Variants in RALY observed in about 807,000 individuals in gnomAD.
RALY encodes the protein RALY heterogeneous nuclear ribonucleoprotein.
In RALY, 15 loss-of-function variants were observed where a neutral mutation model predicts 30.7. The observed-to-expected ratio is 0.49, with a 90% CI of 0.33 to 0.75. RALY has a LOEUF of 0.75. Ranked by LOEUF, RALY falls within the 30% of genes least tolerant of loss-of-function variation. RALY has a pLI of 0.02. For missense variants in RALY, 339 were observed against 414.3 expected (o/e 0.82, Z 1.58); for synonymous variants, 177 against 170.8 (o/e 1.04, Z -0.28).
At chr20:34,006,104 G>A (rs2031146379) in intron 1 of RALY, among the ~76,000 whole-genome samples, 1 of 152,176 alleles carries the variant, frequency 6.6e-6, no homozygotes, top group Admixed American at 6.5e-5. Flanking sequence ...GATGGAGTTG[G>A]CTAGGATTGA....
rs1460499081 is a variant in RALY, at chr20:34,081,275, C to T, written c.*1370C>T. 6.6e-6 allele frequency: 1 copy of T among 152,230 alleles called. No homozygotes were observed. The highest frequency in any genetic ancestry group is 1.5e-5 in the Non-Finnish European group (1 of 68,124). 9.4% of individuals were successfully genotyped at this position (152,230 alleles called of 1,614,324 possible). A position where few individuals can be genotyped will look rare whatever the true frequency, so the allele number is the denominator to read the frequency against. On this transcript the variant is annotated 3_prime_UTR_variant, in exon 10 of 10. Coordinates refer to ENST00000246194, the MANE Select transcript of RALY (RefSeq NM_016732.3). Reference sequence around the variant, plus strand: ...TTGGTATGGAGCTGTGGGAGGGCAGCACCCAGAAATAGGCTTTGTTCCAGG... The same window carrying T: ...TTGGTATGGAGCTGTGGGAGGGCAGTACCCAGAAATAGGCTTTGTTCCAGG...
intron 2 of RALY, among the ~76,000 whole-genome samples, chr20:34,042,406 C>T (rs1470264507): frequency 6.6e-6 from 1 of 152,184 alleles, no homozygotes; most frequent in Non-Finnish European, 1.5e-5. Context: ...GACTCTCTGC[C>T]TGGTGTCCTT....
At chr20:34,008,283 G>A (rs951608023) in intron 1 of RALY, among the ~76,000 whole-genome samples, 10 of 152,244 alleles carry the variant, frequency 6.6e-5, no homozygotes, top group Middle Eastern at 3.4e-3. Flanking sequence ...TGGAGATGCT[G>A]AAGGAATCTG....
At chr20:34,051,573 C>G (rs1235404242) in intron 2 of RALY, among the ~76,000 whole-genome samples, 2 of 152,088 alleles carry the variant, frequency 1.3e-5, no homozygotes, top group East Asian at 3.8e-4. Flanking sequence ...CAGTATATTG[C>G]ACTCTGAGTC....
At chr20:34,076,856 C>A in intron 7 of RALY, 41 bp downstream of exon 7, 1 of 1,604,620 alleles carries the variant, frequency 6.2e-7, no homozygotes, top group Non-Finnish European at 8.5e-7. Context: ...ATGACCAGGG[C>A]ACAGGGCAGA....
Position 34,082,722 on chromosome 20 carries a change from G to C in RALY, c.*2817G>C, listed in dbSNP as rs2034049810. Reference sequence around the variant, plus strand: ...AAGCACACAGCCAGGCCCTTGGGTGGGAGGTTGGCTTCTAACAGTGCATAC... The same window carrying C: ...AAGCACACAGCCAGGCCCTTGGGTGCGAGGTTGGCTTCTAACAGTGCATAC... On this transcript the variant is annotated 3_prime_UTR_variant, in exon 10 of 10. Transcript: ENST00000246194. 6.6e-6 allele frequency: 1 copy of C among 152,238 alleles called. No homozygotes were observed. Among genetic ancestry groups the C allele is most frequent in the Non-Finnish European group, 1.5e-5 (1 of 68,066 alleles). 9.4% of individuals were successfully genotyped at this position (152,238 alleles called of 1,614,324 possible). A position where few individuals can be genotyped will look rare whatever the true frequency, so the allele number is the denominator to read the frequency against.
At chr20:34,020,199 G>A (rs1200736987) in intron 1 of RALY, among the ~76,000 whole-genome samples, 1 of 152,244 alleles carries the variant, frequency 6.6e-6, no homozygotes, top group Non-Finnish European at 1.5e-5. Context: ...ACACATGTAA[G>A]TGGAGGATGT....
chr20:34,026,035 C>G (rs893642500), intron 1 of RALY, among the ~76,000 whole-genome samples: 2 of 151,792 alleles, frequency 1.3e-5, no homozygotes, highest in Non-Finnish European at 2.9e-5. Flanking sequence ...GATATACTCC[C>G]AAGGCTTGTT....
chr20:34,006,443 G>A (rs2031161183), intron 1 of RALY, among the ~76,000 whole-genome samples: 1 of 152,192 alleles, frequency 6.6e-6, no homozygotes, highest in South Asian at 2.1e-4. Flanking sequence ...ATGTTCGATT[G>A]TTTTGTAAAT....
intron 2 of RALY, among the ~76,000 whole-genome samples, chr20:34,057,761 A>G (rs758299364): frequency 5.3e-5 from 8 of 152,080 alleles, no homozygotes; most frequent in Non-Finnish European, 1.5e-5. Context: ...AGGATTATTT[A>G]AAGAATGGTA....
chr20:34,033,280 A>G (rs545911790), intron 2 of RALY: 1 of 152,350 alleles, frequency 6.6e-6, no homozygotes, highest in Non-Finnish European at 1.5e-5. Context: ...AAGTTGGAAA[A>G]CTTTGTGAAT....
intron 1 of RALY, among the ~76,000 whole-genome samples, chr20:34,005,491 G>A (rs1032533106): frequency 6.6e-6 from 1 of 151,492 alleles, no homozygotes; most frequent in Non-Finnish European, 1.5e-5. Context: ...CCTGGTGACA[G>A]AGTGAGACTC....
intron 1 of RALY, among the ~76,000 whole-genome samples, chr20:34,005,998 G>A (rs1205979139): frequency 6.6e-6 from 1 of 152,108 alleles, no homozygotes; most frequent in Non-Finnish European, 1.5e-5. Context: ...CCTATTGAAG[G>A]TGTCATTGGT....
At chr20:34,071,672 A>G (rs1178380877) in intron 2 of RALY, among the ~76,000 whole-genome samples, 2 of 152,132 alleles carry the variant, frequency 1.3e-5, no homozygotes, top group African/African-American at 4.8e-5. Context: ...TCAAATTTAG[A>G]TCCTGAATGG....
At chr20:34,029,855 C>G (rs566759883) in intron 1 of RALY, 2 of 152,334 alleles carry the variant, frequency 1.3e-5, no homozygotes, top group Non-Finnish European at 2.9e-5. Flanking sequence ...TCACTCATGA[C>G]TTGGAGCAAC....
rs560531538 is a variant in RALY at position 34,037,245 on chromosome 20, G to A, written c.-10+5641G>A. On this transcript the variant is annotated intron_variant, in intron 2 of 9. Coordinates refer to ENST00000246194, the MANE Select transcript of RALY (RefSeq NM_016732.3). ...TGCTAGGGCTAGACCCATAGTGCTC[G>A]GCAGCCTGGCTCCTGCCTGCCCCAA... 4.6e-5 allele frequency among the ~76,000 whole-genome samples: 7 copies of A among 152,288 alleles called. No homozygotes were observed. The East Asian group carries it at 7.7e-4, about 17-fold the overall frequency.
intron 2 of RALY, among the ~76,000 whole-genome samples, chr20:34,061,731 C>T (rs1363175701): frequency 6.6e-6 from 1 of 152,160 alleles, no homozygotes; most frequent in South Asian, 2.1e-4. Context: ...ATTATTTAAT[C>T]TTCTCCACAA....
At chr20:34,075,464 T>C (rs561015905) in intron 5 of RALY, among the ~76,000 whole-genome samples, 1 of 152,104 alleles carries the variant, frequency 6.6e-6, no homozygotes, top group African/African-American at 2.4e-5. Flanking sequence ...TACCTCTCTA[T>C]TCCTAGCTGG....
intron 2 of RALY, chr20:34,049,157 A>G (rs1402669216): frequency 1.3e-5 from 2 of 153,986 alleles, no homozygotes; most frequent in Non-Finnish European, 2.9e-5. Context: ...TTTGGCATCT[A>G]TGAAAGCCAG....
Sources: allele counts gnomAD v4.1 joint callset (sites outside exome capture counted in the v4.1 genomes callset), GRCh38; gene constraint gnomAD v4.1.1; transcripts MANE v1.5; gene names NCBI Gene and HGNC (gene_info 2026-07-23, HGNC 2026-07-21).